ANKS1B: variants seen among roughly 807,000 people sequenced by gnomAD.
ANKS1B encodes the protein ankyrin repeat and sterile alpha motif domain-containing protein 1B.
In ANKS1B, 36 loss-of-function variants were observed where a neutral mutation model predicts 148.3. The observed-to-expected ratio is 0.24, with a 90% CI of 0.19 to 0.32. The LOEUF (loss-of-function observed/expected upper bound fraction) is 0.32, where lower values mean the gene tolerates loss of function less well. Among genes scored for constraint, ANKS1B ranks in the 10% least tolerant of loss-of-function variants. The pLI, the probability that ANKS1B is intolerant of heterozygous loss-of-function variation, is 1.00. For missense variants in ANKS1B, 1,157 were observed against 1,542.6 expected (o/e 0.75, Z 4.19); for synonymous variants, 542 against 560.8 (o/e 0.97, Z 0.47).
At chr12:99,505,547 C>T (rs2096702599) in intron 9 of ANKS1B, among the ~76,000 whole-genome samples, 1 of 150,264 alleles carries the variant, frequency 6.7e-6, no homozygotes, top group Non-Finnish European at 1.5e-5. Context: ...ATTTTGATTT[C>T]CTGTACATAA....
chr12:99,582,970 T>A (rs1265389977), intron 9 of ANKS1B, among the ~76,000 whole-genome samples: 3 of 152,154 alleles, frequency 2.0e-5, no homozygotes, highest in Non-Finnish European at 4.4e-5. Context: ...TTTGGTGTAC[T>A]TATATTATTT....
At chr12:99,588,210 G>C (rs888573449) in intron 9 of ANKS1B, among the ~76,000 whole-genome samples, 1 of 151,716 alleles carries the variant, frequency 6.6e-6, no homozygotes, top group Non-Finnish European at 1.5e-5. Context: ...AAAATGCTTT[G>C]AGCTAAACAC....
chr12:99,052,496 G>A (rs901110214), intron 17 of ANKS1B, among the ~76,000 whole-genome samples: 6 of 148,572 alleles, frequency 4.0e-5, no homozygotes, highest in African/African-American at 1.5e-4. Flanking sequence ...GGGAGGCCGA[G>A]GCGGGTGGAT....
chr12:99,538,887 G>C (rs2097098570), intron 9 of ANKS1B, among the ~76,000 whole-genome samples: 1 of 152,046 alleles, frequency 6.6e-6, no homozygotes, highest in Non-Finnish European at 1.5e-5. Context: ...TTCATATATG[G>C]CTTTAATTAT....
intron 17 of ANKS1B, among the ~76,000 whole-genome samples, chr12:98,934,292 C>T (rs912862291): frequency 1.3e-5 from 2 of 152,042 alleles, no homozygotes; most frequent in Non-Finnish European, 2.9e-5. Flanking sequence ...TTTGTGATGA[C>T]CAGTTGACCA....
chr12:99,593,513 T>C (rs1009864573), intron 9 of ANKS1B, among the ~76,000 whole-genome samples: 1 of 152,142 alleles, frequency 6.6e-6, no homozygotes, highest in Non-Finnish European at 1.5e-5. Flanking sequence ...TAATACACTA[T>C]GGCAAATAAT....
At chr12:99,354,913 C>T (rs1453483978) in intron 12 of ANKS1B, among the ~76,000 whole-genome samples, 1 of 151,938 alleles carries the variant, frequency 6.6e-6, no homozygotes, top group African/African-American at 2.4e-5. Flanking sequence ...GGTGTTTGTA[C>T]CTTCCACAGC....
chr12:98,789,422 T>G (rs565851076), intron 22 of ANKS1B, among the ~76,000 whole-genome samples: 1 of 151,070 alleles, frequency 6.6e-6, no homozygotes, highest in East Asian at 2.0e-4. Context: ...ATGTATAGTT[T>G]TTTTTTTTTT....
chr12:99,681,332 G>A (rs939469042), intron 8 of ANKS1B, among the ~76,000 whole-genome samples: 1 of 152,134 alleles, frequency 6.6e-6, no homozygotes, highest in African/African-American at 2.4e-5. Flanking sequence ...CTAACCAGAG[G>A]TCCTGAGTCT....
chr12:99,782,328 G>A (rs1196898091), intron 4 of ANKS1B, among the ~76,000 whole-genome samples: 3 of 152,182 alleles, frequency 2.0e-5, no homozygotes, highest in Admixed American at 6.5e-5. Context: ...ATGCAGCTGA[G>A]GCGGATGGAT....
At chr12:99,105,050 T>C (rs1023284837) in intron 15 of ANKS1B, 3 of 152,254 alleles carry the variant, frequency 2.0e-5, no homozygotes, top group African/African-American at 7.2e-5. Flanking sequence ...TCTGAACATT[T>C]TGAAATTTGA....
At chr12:99,371,867 A>G (rs905762288) in intron 12 of ANKS1B, among the ~76,000 whole-genome samples, 1 of 152,166 alleles carries the variant, frequency 6.6e-6, no homozygotes. Flanking sequence ...CACCTGTACT[A>G]ATAATAATGC....
chr12:99,693,733 T>G (rs1305548080), intron 8 of ANKS1B, among the ~76,000 whole-genome samples: 1 of 151,558 alleles, frequency 6.6e-6, no homozygotes, highest in Non-Finnish European at 1.5e-5. Flanking sequence ...ATTCATAAGT[T>G]AAATGACTGG....
At chr12:98,889,883 CTGTT>C (rs564535265) in intron 17 of ANKS1B, among the ~76,000 whole-genome samples, 3 of 152,144 alleles carry the variant, frequency 2.0e-5, no homozygotes, top group South Asian at 2.1e-4. Flanking sequence ...ACTTGAGTCA[CTGTT>C]TGTGTCAAAA....
chr12:98,769,139 T>C (rs988781032), intron 25 of ANKS1B, among the ~76,000 whole-genome samples: 6 of 151,226 alleles, frequency 4.0e-5, no homozygotes, highest in African/African-American at 1.5e-4. Flanking sequence ...TAAATGTGTA[T>C]TTGAGGTATT....
intron 11 of ANKS1B, among the ~76,000 whole-genome samples, chr12:99,419,259 T>G (rs2095008912): frequency 6.6e-6 from 1 of 152,224 alleles, no homozygotes; most frequent in South Asian, 2.1e-4. Flanking sequence ...TTGAAAGCTT[T>G]TTTGATTATG....
chr12:99,643,870 T>C (rs2098333494), intron 9 of ANKS1B, among the ~76,000 whole-genome samples: 1 of 152,196 alleles, frequency 6.6e-6, no homozygotes, highest in Non-Finnish European at 1.5e-5. Context: ...CAGTTTTTGA[T>C]CCTCCTGAGG....
intron 9 of ANKS1B, among the ~76,000 whole-genome samples, chr12:99,566,749 C>T (rs1031713368): frequency 1.3e-5 from 2 of 152,108 alleles, no homozygotes; most frequent in African/African-American, 4.8e-5. Flanking sequence ...GATGACGGCA[C>T]CATGCTCTTG....
At chr12:99,880,880 G>A (rs1377932084) in intron 1 of ANKS1B, among the ~76,000 whole-genome samples, 1 of 152,196 alleles carries the variant, frequency 6.6e-6, no homozygotes, top group Admixed American at 6.5e-5. Context: ...AATGGAGCAT[G>A]AATACATAAT....
Sources: gnomAD v4.1 joint callset for allele counts (sites outside exome capture counted in the v4.1 genomes callset) on GRCh38, gnomAD v4.1.1 for gene constraint, MANE v1.5 for transcripts, NCBI Gene and HGNC (gene_info 2026-07-23, HGNC 2026-07-21) for gene names.